PRTG: variants seen among roughly 807,000 people sequenced by gnomAD.
The protein encoded by PRTG is immunoglobulin superfamily, DCC subclass, member 5.
A neutral mutation model predicts 122.5 loss-of-function variants in PRTG; 67 were observed. That is an observed-to-expected ratio of 0.55 (90% CI 0.45 to 0.67). PRTG has a LOEUF of 0.67. PRTG is among the 30% of genes least tolerant of loss of function. The pLI is 0.00. For missense variants in PRTG, 1,435 were observed against 1,415.4 expected, an observed-to-expected ratio of 1.01 and a Z score of -0.22; for synonymous variants, 554 against 501.1, an observed-to-expected ratio of 1.11 and a Z score of -1.41.
chr15:55,648,255 A>G (rs1249665652), intron 11 of PRTG, among the ~76,000 whole-genome samples: 2 of 152,180 alleles, frequency 1.3e-5, no homozygotes, highest in Non-Finnish European at 2.9e-5. Flanking sequence ...TAATAATTAT[A>G]TCCCATTTTT....
intron 9 of PRTG, 51 bp from the exon 10 acceptor site, chr15:55,673,727 C>T (rs1483528305): frequency 7.4e-7 from 1 of 1,359,218 alleles, no homozygotes; most frequent in African/African-American, 1.4e-5. Flanking sequence ...ATCGAATTGC[C>T]ACTTAGCACA....
At chr15:55,722,525 C>T (rs963225574) in intron 2 of PRTG, among the ~76,000 whole-genome samples, 3 of 152,168 alleles carry the variant, frequency 2.0e-5, no homozygotes, top group African/African-American at 4.8e-5. Flanking sequence ...AAGGGAATAT[C>T]AGCCAAGGGC....
At chr15:55,633,933 GA>G (rs2059241883) in intron 15 of PRTG, among the ~76,000 whole-genome samples, 1 of 152,022 alleles carries the variant, frequency 6.6e-6, no homozygotes, top group Non-Finnish European at 1.5e-5. Context: ...GGCTTATACA[GA>G]TGTAAAAATC....
chr15:55,732,678 G>A (rs543838956), intron 2 of PRTG, among the ~76,000 whole-genome samples: 14 of 152,088 alleles, frequency 9.2e-5, no homozygotes, highest in African/African-American at 2.7e-4. Context: ...ATTTTCAGTA[G>A]AGAGGGGGTT....
intron 2 of PRTG, among the ~76,000 whole-genome samples, chr15:55,708,365 T>C (rs2030235044): frequency 6.6e-6 from 1 of 151,932 alleles, no homozygotes; most frequent in South Asian, 2.1e-4. Flanking sequence ...TCCCAGCACT[T>C]TGGGAAGCCT....
intron 2 of PRTG, among the ~76,000 whole-genome samples, chr15:55,686,200 T>A (rs1325208947): frequency 1.3e-5 from 2 of 152,128 alleles, no homozygotes; most frequent in African/African-American, 4.8e-5. Flanking sequence ...AGGACCTACA[T>A]TTCCGTAAAT....
At chr15:55,722,972 T>C (rs917449386) in intron 2 of PRTG, among the ~76,000 whole-genome samples, 1 of 152,176 alleles carries the variant, frequency 6.6e-6, no homozygotes, top group African/African-American at 2.4e-5. Context: ...ACCAGCAAGA[T>C]TAACAACAGG....
At chr15:55,673,944 T>G (rs2059487958) in intron 9 of PRTG, among the ~76,000 whole-genome samples, 1 of 152,172 alleles carries the variant, frequency 6.6e-6, no homozygotes, top group Non-Finnish European at 1.5e-5. Context: ...ATGAGAATAT[T>G]TGATATTCAT....
rs1056095887 is a variant in PRTG at position 55,634,049 on chromosome 15, C to T, written c.2623+3121G>A. 2.9e-5 allele frequency among the ~76,000 whole-genome samples: 4 copies of T among 135,786 alleles called. 1 individual carries two copies. Among genetic ancestry groups the T allele is most frequent in the African/African-American group, 8.2e-5 (3 of 36,652 alleles). 89.1% of individuals were successfully genotyped at this position (135,786 alleles called of 152,430 possible). ...TGAATACATTTAAAAGGAGCCAGAA[C>T]AAAATATACATTGCTTTTTTTTTTT... On this transcript the variant is annotated intron_variant, in intron 15 of 19. Coordinates refer to ENST00000389286, the MANE Select transcript of PRTG (RefSeq NM_173814.6).
Position 55,620,693 on chromosome 15 carries a change from GA to G in PRTG, c.3167del (p.Phe1056SerfsTer30), listed in dbSNP as rs768325902. The G allele has an allele frequency of 3.4e-5, 55 of 1,597,446 alleles. No individual in the cohort carries two copies. The highest frequency in any genetic ancestry group is 5.4e-5 in the African/African-American group (4 of 73,550). ...CAACTTGTATCTTCTTTGAGTCTTG[GA>G]AAAAAAACCACTTTTTCTTAGAGTT... ...KNNSKKKWFF[F>X]QDSKKIQVEQ... On this transcript the variant is annotated frameshift_variant, in exon 19 of 20. Coordinates refer to ENST00000389286, the MANE Select transcript of PRTG (RefSeq NM_173814.6). LOFTEE classifies it high-confidence loss of function.
At position 55,619,244 on chromosome 15, in the gene PRTG, C is replaced by T. The variant is rs1483027909; in HGVS notation, c.*768G>A. 6.6e-6 allele frequency: 1 copy of T among 152,114 alleles called. No homozygotes were observed. Among genetic ancestry groups the T allele is most frequent in the Non-Finnish European group, 1.5e-5 (1 of 68,042 alleles). 9.4% of individuals were successfully genotyped at this position (152,114 alleles called of 1,614,324 possible). ...GCCTTTTAAGCAAAATGATCCCTAC[C>T]TGGTATTGAATAGTTCTGTTCTCAA... On this transcript the variant is annotated 3_prime_UTR_variant, in exon 20 of 20. Transcript: ENST00000389286.
chr15:55,628,835 A>G lies in PRTG; in HGVS notation c.2793T>C (p.Ser931=). The G allele has an allele frequency of 6.2e-7, 1 of 1,613,090 alleles. No homozygotes were observed. The highest frequency in any genetic ancestry group is 8.5e-7 in the Non-Finnish European group (1 of 1,179,476). The change falls in exon 16 of 20, where the codon TCT becomes TCC. Residue 931 remains serine, a synonymous_variant. Coordinates refer to ENST00000389286, the MANE Select transcript of PRTG (RefSeq NM_173814.6). ...CAGTATACAGACCTTTGGCATCAGC[A>G]GAATCTAAACGCTTGGGCCTCTGAT... ...ESNQRPKRLD[S]ADAKVYSGYY...
intron 11 of PRTG, among the ~76,000 whole-genome samples, chr15:55,659,120 G>A (rs1038177400): frequency 6.6e-6 from 1 of 152,156 alleles, no homozygotes; most frequent in Non-Finnish European, 1.5e-5. Flanking sequence ...AGCTATCAAG[G>A]CTAATTCAAG....
chr15:55,737,570 G>A (rs2031450299), intron 2 of PRTG, among the ~76,000 whole-genome samples: 1 of 152,152 alleles, frequency 6.6e-6, no homozygotes, highest in East Asian at 1.9e-4. Context: ...CTTTGCAGAA[G>A]AGCTACATGA....
At chr15:55,689,401 T>C (rs1022384875) in intron 2 of PRTG, among the ~76,000 whole-genome samples, 1 of 152,148 alleles carries the variant, frequency 6.6e-6, no homozygotes, top group African/African-American at 2.4e-5. Flanking sequence ...TCTTCCTTTA[T>C]GCCAAATACA....
In PRTG at chr15:55,710,709, G is replaced by C. The variant is rs141973430; in HGVS notation, c.398-26778C>G. On this transcript the variant is annotated intron_variant, in intron 2 of 19. Transcript: ENST00000389286. ...CCTTCTCTATAAACTAAACAGTTATGTTTCTTTTATTGCATTCACTTGATT... is the reference window on the plus strand; with the variant it reads ...CCTTCTCTATAAACTAAACAGTTATCTTTCTTTTATTGCATTCACTTGATT... 4.9e-3 allele frequency among the ~76,000 whole-genome samples: 739 copies of C among 152,116 alleles called. 1 individual carries two copies. Among genetic ancestry groups the C allele is most frequent in the African/African-American group, 0.017 (702 of 41,484 alleles).
chr15:55,705,854 CT>C (rs33973404), intron 2 of PRTG, among the ~76,000 whole-genome samples: 157 of 125,416 alleles, frequency 1.3e-3, no homozygotes, highest in South Asian at 2.9e-3. Context: ...ACTTGCTATT[CT>C]TTTTTTTTTT....
At chr15:55,621,674 A>G (rs1003381420) in intron 18 of PRTG, among the ~76,000 whole-genome samples, 1 of 152,138 alleles carries the variant, frequency 6.6e-6, no homozygotes, top group Admixed American at 6.6e-5. Context: ...AAAACAAACA[A>G]ACACAAAACA....
At position 55,737,895 on chromosome 15, in the gene PRTG, C is replaced by T. The variant is rs1437652734; in HGVS notation, c.397+2487G>A. ...ACTAAGAAAAAAAACACACTTGTAC[C>T]CTGCTGCTATCAATACCTAAAAGAG... On this transcript the variant is annotated intron_variant, in intron 2 of 19. Coordinates refer to ENST00000389286, the MANE Select transcript of PRTG (RefSeq NM_173814.6). 1.5e-4 allele frequency among the ~76,000 whole-genome samples: 20 copies of T among 135,366 alleles called. No homozygotes were observed. The Admixed American group carries it at 1.6e-3, about 11-fold the overall frequency. 88.8% of individuals were successfully genotyped at this position (135,366 alleles called of 152,430 possible).
Sources: allele counts gnomAD v4.1 joint callset (sites outside exome capture counted in the v4.1 genomes callset), GRCh38; gene constraint gnomAD v4.1.1; transcripts MANE v1.5; gene names NCBI Gene and HGNC (gene_info 2026-07-23, HGNC 2026-07-21).